Variants in DRC11 observed in about 807,000 individuals in gnomAD.
DRC11 encodes dynein regulatory complex subunit 11, also known as IQ and AAA domain-containing protein 1.
chr2:236,318,444 T>A, the DRC11 span, among the ~76,000 whole-genome samples: 1 of 152,070 alleles, frequency 6.6e-6, no homozygotes, highest in African/African-American at 2.4e-5. The surrounding 1 kb of genome is among the most constrained non-coding windows in gnomAD (Gnocchi z 7.0). Context: ...TGTGAACACA[T>A]GCATGTGTGG....
chr2:236,383,754 G>A, the DRC11 span, among the ~76,000 whole-genome samples: 8 of 151,654 alleles, frequency 5.3e-5, no homozygotes, highest in Non-Finnish European at 1.2e-4. Context: ...ATGCTGGTGC[G>A]CTGCACCCAC....
the DRC11 span, among the ~76,000 whole-genome samples, chr2:236,386,523 T>G: frequency 1.3e-3 from 204 of 152,308 alleles, no homozygotes; most frequent in African/African-American, 4.7e-3. Flanking sequence ...CTTTATCATT[T>G]TTTATTACAT....
the DRC11 span, among the ~76,000 whole-genome samples, chr2:236,444,923 T>C: frequency 6.6e-5 from 10 of 152,368 alleles, no homozygotes; most frequent in African/African-American, 1.7e-4. Context: ...AGTGTGGATA[T>C]TGGGCCCCAG....
the DRC11 span, among the ~76,000 whole-genome samples, chr2:236,376,917 G>A: frequency 9.9e-5 from 15 of 152,222 alleles, no homozygotes; most frequent in Non-Finnish European, 1.9e-4. This position sits in a 1 kb window ranked among gnomAD's most constrained non-coding sequence, Gnocchi z 5.7. Context: ...AAGAGAATCT[G>A]TTAGTCCACA....
the DRC11 span, among the ~76,000 whole-genome samples, chr2:236,491,074 C>A: frequency 1.8e-5 from 2 of 110,834 alleles, no homozygotes; most frequent in Admixed American, 9.5e-5. Flanking sequence ...ACAGTATATA[C>A]CCCAAGAAGA....
chr2:236,483,366 T>C, the DRC11 span, among the ~76,000 whole-genome samples: 88 of 152,178 alleles, frequency 5.8e-4, no homozygotes, highest in African/African-American at 2.0e-3. This position sits in a 1 kb window ranked among gnomAD's most constrained non-coding sequence, Gnocchi z 4.8. Flanking sequence ...TCCCAAGGGG[T>C]TCCAATTTCC....
chr2:236,346,761 C>G, the DRC11 span: 1 of 168,422 alleles, frequency 5.9e-6, no homozygotes, highest in Admixed American at 6.5e-5. Flanking sequence ...TTGGTCACAG[C>G]CAGCACTAGC....
the DRC11 span, among the ~76,000 whole-genome samples, chr2:236,359,833 C>T: frequency 4.7e-4 from 72 of 152,174 alleles, 1 homozygote; most frequent in Admixed American, 4.7e-3. This position sits in a 1 kb window ranked among gnomAD's most constrained non-coding sequence, Gnocchi z 4.3. Flanking sequence ...CTCCTGAGAC[C>T]TCTGGGTCTT....
chr2:236,357,335 T>G, the DRC11 span, among the ~76,000 whole-genome samples: 1 of 106,858 alleles, frequency 9.4e-6, no homozygotes, highest in Non-Finnish European at 1.7e-5. Context: ...TATTCATATA[T>G]GAATATATAT....
At chr2:236,475,449 GAT>G in the DRC11 span, among the ~76,000 whole-genome samples, 1 of 152,176 alleles carries the variant, frequency 6.6e-6, no homozygotes, top group Admixed American at 6.5e-5. The surrounding 1 kb of genome is among the most constrained non-coding windows in gnomAD (Gnocchi z 4.8). Flanking sequence ...TGCAAGTGCA[GAT>G]ATCTCTTCAA....
chr2:236,320,562 G>C, the DRC11 span, among the ~76,000 whole-genome samples: 961 of 152,308 alleles, frequency 6.3e-3, 10 homozygotes, highest in African/African-American at 0.022. Context: ...TCCGTCTCAG[G>C]AGCATCTTTT....
At chr2:236,328,094 C>T in the DRC11 span, among the ~76,000 whole-genome samples, 1 of 152,032 alleles carries the variant, frequency 6.6e-6, no homozygotes, top group Admixed American at 6.6e-5. This position sits in a 1 kb window ranked among gnomAD's most constrained non-coding sequence, Gnocchi z 6.7. Flanking sequence ...CCTTTTATCT[C>T]AGGTTCTTGG....
the DRC11 span, among the ~76,000 whole-genome samples, chr2:236,445,318 T>C: frequency 9.9e-4 from 150 of 152,156 alleles, no homozygotes; most frequent in African/African-American, 3.1e-3. The surrounding 1 kb of genome is among the most constrained non-coding windows in gnomAD (Gnocchi z 4.8). Flanking sequence ...TTGGCAAAGA[T>C]AATATTAAAT....
chr2:236,381,724 T>C, the DRC11 span, among the ~76,000 whole-genome samples: 1 of 152,262 alleles, frequency 6.6e-6, no homozygotes, highest in East Asian at 1.9e-4. The surrounding 1 kb of genome is among the most constrained non-coding windows in gnomAD (Gnocchi z 5.8). Flanking sequence ...CATGTGCTTA[T>C]TTGCCATCTG....
the DRC11 span, among the ~76,000 whole-genome samples, chr2:236,329,942 T>G: frequency 6.6e-6 from 1 of 152,174 alleles, no homozygotes; most frequent in African/African-American, 2.4e-5. Flanking sequence ...TAGAAAAACT[T>G]CTAGAGATTA....
the DRC11 span, among the ~76,000 whole-genome samples, chr2:236,386,551 CTT>C: frequency 2.6e-5 from 4 of 152,000 alleles, no homozygotes; most frequent in Non-Finnish European, 5.9e-5. Context: ...ATTCTTCTCT[CTT>C]TTTTTCTTTA....
chr2:236,503,095 G>A, the DRC11 span, among the ~76,000 whole-genome samples: 7,430 of 152,266 alleles, frequency 0.049, 356 homozygotes, highest in East Asian at 0.17. This position sits in a 1 kb window ranked among gnomAD's most constrained non-coding sequence, Gnocchi z 4.9. Context: ...GAGTGGAACA[G>A]ACAGTAAAAG....
the DRC11 span, among the ~76,000 whole-genome samples, chr2:236,484,654 A>G: frequency 6.6e-6 from 1 of 151,892 alleles, no homozygotes; most frequent in Non-Finnish European, 1.5e-5. Context: ...CTGGGAAAAA[A>G]GGTGTGTTTG....
the DRC11 span, chr2:236,486,864 T>C: frequency 6.2e-7 from 1 of 1,611,274 alleles, no homozygotes; most frequent in African/African-American, 1.3e-5. The surrounding 1 kb of genome is among the most constrained non-coding windows in gnomAD (Gnocchi z 5.7). Context: ...TCTCTCAGTT[T>C]TTCAGTTTCC....
Sources: gnomAD v4.1 joint callset for allele counts (sites outside exome capture counted in the v4.1 genomes callset) on GRCh38, gnomAD v4.1.1 for gene constraint, Gnocchi (gnomAD v3.1) non-coding constraint, MANE v1.5 for transcripts, NCBI Gene and HGNC (gene_info 2026-07-23, HGNC 2026-07-21) for gene names.